Variants in FOCAD observed in about 807,000 individuals in gnomAD.
The protein encoded by FOCAD is KIAA1797.
In FOCAD, 198 loss-of-function variants were observed where a neutral mutation model predicts 225.6. That is an observed-to-expected ratio of 0.88 (90% CI 0.78 to 0.99). FOCAD has a LOEUF of 0.99. FOCAD is among the 50% of genes least tolerant of loss of function. FOCAD has a pLI of 0.00. For missense variants in FOCAD, 2,713 were observed against 2,123.6 expected (o/e 1.28, Z -5.46); for synonymous variants, 897 against 755.0 (o/e 1.19, Z -3.08).
chr9:20,814,342 T>C (rs1224310663), intron 11 of FOCAD, among the ~76,000 whole-genome samples: 1 of 151,962 alleles, frequency 6.6e-6, no homozygotes, highest in East Asian at 1.9e-4. Flanking sequence ...ACTCATTTTC[T>C]TTTCTTTTTT....
chr9:20,866,994 T>C lies in FOCAD; in HGVS notation c.2172T>C (p.Ile724=). 6.6e-7 allele frequency: 1 copy of C among 1,510,106 alleles called. No individual in the cohort carries two copies. Among genetic ancestry groups the C allele is most frequent in the Non-Finnish European group, 9.0e-7 (1 of 1,116,300 alleles). The allele number at this position is 1,510,106 out of a possible 1,614,324, so 93.5% of individuals were successfully genotyped here. The part of the protein sequence containing the change: ...LANFSAGEHT[I]LHLPEKIRPE... ...ACTTTAGTGCAGGAGAACACACCAT[T>C]CTTCATCTGCCTGAAAAGGTAGGCA... The change falls in exon 18 of 44, where the codon ATT becomes ATC. Residue 724 remains isoleucine (I), a synonymous_variant. Transcript: ENST00000338382.
intron 19 of FOCAD, among the ~76,000 whole-genome samples, chr9:20,877,131 T>C (rs1830291256): frequency 1.8e-5 from 1 of 55,606 alleles, no homozygotes; most frequent in Non-Finnish European, 3.5e-5. Context: ...TAACTTAAAC[T>C]ATAGACCGAT....
At chr9:20,795,732 T>C (rs1327189566) in intron 11 of FOCAD, among the ~76,000 whole-genome samples, 5 of 125,702 alleles carry the variant, frequency 4.0e-5, no homozygotes, top group East Asian at 2.3e-4. Flanking sequence ...TACAGTGAGC[T>C]GAGATCGCAC....
At chr9:20,930,302 T>G (rs750195431) in intron 27 of FOCAD, among the ~76,000 whole-genome samples, 2 of 152,200 alleles carry the variant, frequency 1.3e-5, no homozygotes, top group Admixed American at 6.5e-5. Flanking sequence ...TTCATACTGC[T>G]TATTATTTAT....
rs560571659 is a variant in FOCAD, at chr9:20,949,914, T to G, written c.3948+239T>G. ...TTAGTAAACTTAAGTTGGCATTGGTTTTTCTTAAAAATTAAAGCCTGATTC... is the reference window on the plus strand; with the variant it reads ...TTAGTAAACTTAAGTTGGCATTGGTGTTTCTTAAAAATTAAAGCCTGATTC... On this transcript the variant is annotated intron_variant, in intron 33 of 43. Coordinates refer to ENST00000338382, the MANE Select transcript of FOCAD (RefSeq NM_001375567.1). 3.3e-5 allele frequency among the ~76,000 whole-genome samples: 5 copies of G among 152,164 alleles called. No individual in the cohort carries two copies. In the South Asian group the frequency reaches 1.0e-3, roughly 32 times the overall value.
intron 5 of FOCAD, among the ~76,000 whole-genome samples, chr9:20,749,662 A>C (rs554136029): frequency 6.6e-6 from 1 of 152,206 alleles, no homozygotes; most frequent in Non-Finnish European, 1.5e-5. Flanking sequence ...TCACAGCTGC[A>C]TACATGAAAA....
chr9:20,935,847 G>C (rs1196746966), intron 28 of FOCAD, among the ~76,000 whole-genome samples: 1 of 152,178 alleles, frequency 6.6e-6, no homozygotes, highest in African/African-American at 2.4e-5. Context: ...TTACCAACCT[G>C]CTTAGCATTA....
At chr9:20,734,943 G>A (rs1827022260) in intron 4 of FOCAD, among the ~76,000 whole-genome samples, 1 of 152,038 alleles carries the variant, frequency 6.6e-6, no homozygotes. Context: ...TATAGATAAG[G>A]GTATGTCTAT....
chr9:20,815,745 G>C (rs1823666853), intron 11 of FOCAD, among the ~76,000 whole-genome samples: 1 of 152,038 alleles, frequency 6.6e-6, no homozygotes, highest in Non-Finnish European at 1.5e-5. Flanking sequence ...ACACTTACCA[G>C]CTTCTTTTAT....
chr9:20,773,241 T>C (rs537265818), intron 8 of FOCAD, among the ~76,000 whole-genome samples: 1 of 152,350 alleles, frequency 6.6e-6, no homozygotes, highest in Non-Finnish European at 1.5e-5. Flanking sequence ...CAGATGCCTA[T>C]GGCAAACACT....
intron 11 of FOCAD, among the ~76,000 whole-genome samples, chr9:20,800,780 G>T (rs1201498716): frequency 6.6e-6 from 1 of 151,940 alleles, no homozygotes. Flanking sequence ...TAACTTCTTT[G>T]CCATGGGTTC....
At chr9:20,981,133 G>T (rs371956665) in intron 37 of FOCAD, among the ~76,000 whole-genome samples, 2 of 152,022 alleles carry the variant, frequency 1.3e-5, no homozygotes, top group East Asian at 3.9e-4. Context: ...TTTTATTCCC[G>T]TCACTGAAAC....
At chr9:20,723,110 T>C (rs1377708094) in intron 4 of FOCAD, among the ~76,000 whole-genome samples, 1 of 152,242 alleles carries the variant, frequency 6.6e-6, no homozygotes, top group Non-Finnish European at 1.5e-5. Flanking sequence ...AATTGCAAAG[T>C]ATAAGCTTTG....
At chr9:20,812,127 TC>T (rs1435288329) in intron 11 of FOCAD, among the ~76,000 whole-genome samples, 1 of 152,078 alleles carries the variant, frequency 6.6e-6, no homozygotes, top group African/African-American at 2.4e-5. Flanking sequence ...CTTTTGTAAT[TC>T]AGGTCTAGTT....
At chr9:20,864,733 C>G (rs1332915131) in intron 16 of FOCAD, among the ~76,000 whole-genome samples, 1 of 152,066 alleles carries the variant, frequency 6.6e-6, no homozygotes, top group African/African-American at 2.4e-5. Flanking sequence ...ACAGTGCTTG[C>G]TTCACTTATT....
At chr9:20,744,237 G>C (rs1174621693) in intron 5 of FOCAD, among the ~76,000 whole-genome samples, 1 of 152,138 alleles carries the variant, frequency 6.6e-6, no homozygotes, top group Non-Finnish European at 1.5e-5. Flanking sequence ...TGCATAAGGA[G>C]CTCATCTTTG....
At chr9:20,847,294 T>G (rs1393425251) in intron 15 of FOCAD, among the ~76,000 whole-genome samples, 1 of 152,124 alleles carries the variant, frequency 6.6e-6, no homozygotes, top group Non-Finnish European at 1.5e-5. Context: ...TTTGACTGTT[T>G]TGGACATTTT....
intron 39 of FOCAD, 22 bp from the exon 40 acceptor site, chr9:20,986,266 A>ATTTTCTTTTTTTTTTTTTTTTTTTT: frequency 1.4e-6 from 1 of 705,686 alleles, no homozygotes; most frequent in Non-Finnish European, 1.8e-6. Flanking sequence ...TAACTAAACA[A>ATTTTCTTTTTTTTTTTTTTTTTTTT]TTTTTTTTTT....
At chr9:20,824,915 A>AT (rs1433716796) in intron 15 of FOCAD, among the ~76,000 whole-genome samples, 12 of 152,048 alleles carry the variant, frequency 7.9e-5, no homozygotes, top group African/African-American at 2.9e-4. Context: ...TATTTTATTG[A>AT]TGCTTACTAA....
Sources: gnomAD v4.1 joint callset for allele counts (sites outside exome capture counted in the v4.1 genomes callset) on GRCh38, gnomAD v4.1.1 for gene constraint, MANE v1.5 for transcripts, NCBI Gene and HGNC (gene_info 2026-07-23, HGNC 2026-07-21) for gene names.